EFCAB8: variants seen among roughly 807,000 people sequenced by gnomAD.
The protein encoded by EFCAB8 is EF-hand calcium-binding domain-containing protein 8.
In EFCAB8, 100 loss-of-function variants were observed where a neutral mutation model predicts 116.3. The ratio of observed to expected loss-of-function variants is 0.86; its 90% CI spans 0.73 to 1.02. The LOEUF is 1.02. Among genes scored for constraint, EFCAB8 ranks in the 50% least tolerant of loss-of-function variants. The probability of loss-of-function intolerance (pLI) is 0.00; values close to 1 mark genes in which losing one functional copy is unlikely to be tolerated. For synonymous variants in EFCAB8, 558 were observed against 567.9 expected (o/e 0.98, Z 0.25); for missense variants, 1,320 against 1,416.9 (o/e 0.93, Z 1.10).
At chr20:32,867,512 CAT>C (rs774424839) in intron 2 of EFCAB8, 68 bp from the exon 3 acceptor site, 379 of 1,481,448 alleles carry the variant, frequency 2.6e-4, no homozygotes, top group Non-Finnish European at 3.3e-4. Flanking sequence ...CTCTTTAAAT[CAT>C]GTGCTGAAAA....
intron 17 of EFCAB8, among the ~76,000 whole-genome samples, chr20:32,913,953 C>T (rs942812886): frequency 4.6e-5 from 7 of 152,270 alleles, no homozygotes; most frequent in African/African-American, 1.7e-4. Context: ...CCCTAAGACT[C>T]TGGGCAGCCC....
At chr20:32,873,706 T>G (rs997365046) in intron 3 of EFCAB8, among the ~76,000 whole-genome samples, 3 of 149,454 alleles carry the variant, frequency 2.0e-5, no homozygotes, top group African/African-American at 7.4e-5. Context: ...CTACTAAAAA[T>G]ACAAAAATTA....
At chr20:32,885,056 C>G (rs896071470) in intron 5 of EFCAB8, among the ~76,000 whole-genome samples, 4 of 152,194 alleles carry the variant, frequency 2.6e-5, no homozygotes, top group South Asian at 2.1e-4. Flanking sequence ...TCTGTTCCCC[C>G]CTCTACCCCA....
At chr20:32,892,856 T>TA (rs1459634961) in intron 8 of EFCAB8, among the ~76,000 whole-genome samples, 1 of 151,034 alleles carries the variant, frequency 6.6e-6, no homozygotes, top group Non-Finnish European at 1.5e-5. Context: ...TTCTTTTTTT[T>TA]ATGACTCAGA....
chr20:32,887,543 C>G (rs1048711939), intron 6 of EFCAB8, among the ~76,000 whole-genome samples: 12 of 152,244 alleles, frequency 7.9e-5, no homozygotes, highest in African/African-American at 2.7e-4. Flanking sequence ...CCACTGTGCT[C>G]TAGCCTGGGC....
intron 7 of EFCAB8, among the ~76,000 whole-genome samples, chr20:32,891,436 T>A (rs1468779033): frequency 6.6e-6 from 1 of 152,188 alleles, no homozygotes; most frequent in Non-Finnish European, 1.5e-5. Flanking sequence ...CAGGCTAGTC[T>A]CCATCTCCTG....
rs180792469 is a variant in EFCAB8, at chr20:32,935,243, C to T, written c.2790+3907C>T. ...GAGATGGCGTTTTGCTCTTGTTGCC[C>T]GGGCTGGAGTGCATTGATCCAATCT... On this transcript the variant is annotated intron_variant, in intron 22 of 26. Transcript: ENST00000400522. Among the ~76,000 whole-genome samples the T allele has an allele frequency of 1.4e-4, 14 of 102,460 alleles. 1 individual carries two copies. Among genetic ancestry groups the T allele is most frequent in the Admixed American group, 1.1e-3 (8 of 7,588 alleles). 67.2% of individuals were successfully genotyped at this position (102,460 alleles called of 152,430 possible). A position where few individuals can be genotyped will look rare whatever the true frequency, so the allele number is the denominator to read the frequency against.
intron 6 of EFCAB8, among the ~76,000 whole-genome samples, chr20:32,885,980 CTGTG>C (rs1985605725): frequency 6.6e-6 from 1 of 152,210 alleles, no homozygotes; most frequent in African/African-American, 2.4e-5. Context: ...CCCAAGACTC[CTGTG>C]CTAGGGGTCA....
At chr20:32,905,107 T>A (rs563234857) in intron 11 of EFCAB8, among the ~76,000 whole-genome samples, 23 of 152,316 alleles carry the variant, frequency 1.5e-4, no homozygotes, top group Non-Finnish European at 2.9e-4. Context: ...CCGGCCCTAA[T>A]GAGCCTCTCC....
intron 4 of EFCAB8, among the ~76,000 whole-genome samples, chr20:32,877,838 G>A (rs988814681): frequency 6.6e-6 from 1 of 152,170 alleles, no homozygotes; most frequent in Non-Finnish European, 1.5e-5. Flanking sequence ...ATTATCCATA[G>A]GGGAGAGTGA....
chr20:32,871,716 CGGG>C (rs1402002494), intron 3 of EFCAB8, among the ~76,000 whole-genome samples: 9 of 152,090 alleles, frequency 5.9e-5, no homozygotes, highest in African/African-American at 2.2e-4. Context: ...ATTATGAGTG[CGGG>C]CTCCATACCG....
At chr20:32,867,791 CAG>C (rs1264355567) in intron 3 of EFCAB8, 44 bp downstream of exon 3, 2 of 1,535,624 alleles carry the variant, frequency 1.3e-6, no homozygotes, top group Middle Eastern at 2.1e-4. Context: ...AGTTCTGCAA[CAG>C]GGCAGGACCG....
intron 22 of EFCAB8, among the ~76,000 whole-genome samples, chr20:32,933,912 G>C (rs1354559755): frequency 6.6e-6 from 1 of 152,230 alleles, no homozygotes; most frequent in Non-Finnish European, 1.5e-5. Context: ...GGGAGGCAGA[G>C]GTTGCAGTGA....
At chr20:32,875,808 C>T (rs575097125) in intron 3 of EFCAB8, 118 bp from the exon 4 acceptor site, 11 of 853,978 alleles carry the variant, frequency 1.3e-5, no homozygotes, top group Admixed American at 4.8e-5. Context: ...CGCGCCTGGC[C>T]GTAGATGTGG....
At chr20:32,873,994 C>G (rs1420849356) in intron 3 of EFCAB8, among the ~76,000 whole-genome samples, 4 of 151,876 alleles carry the variant, frequency 2.6e-5, no homozygotes, top group African/African-American at 9.7e-5. Flanking sequence ...AATCTCTGCT[C>G]ACTGCAACCT....
chr20:32,901,581 C>T (rs1460664940), intron 11 of EFCAB8, among the ~76,000 whole-genome samples: 8 of 150,772 alleles, frequency 5.3e-5, no homozygotes, highest in African/African-American at 2.0e-4. Context: ...TCATTGCCTC[C>T]ACCTGCCCAC....
intron 20 of EFCAB8, among the ~76,000 whole-genome samples, chr20:32,926,765 GT>G (rs1437080501): frequency 7.0e-6 from 1 of 142,998 alleles, no homozygotes; most frequent in Non-Finnish European, 1.5e-5. Flanking sequence ...GCGGTGTTTG[GT>G]TTTTTGTTCT....
At chr20:32,872,061 C>G (rs1984709363) in intron 3 of EFCAB8, among the ~76,000 whole-genome samples, 2 of 152,158 alleles carry the variant, frequency 1.3e-5, no homozygotes. Flanking sequence ...AGATGGGTCC[C>G]TCTTTTAGCA....
At chr20:32,879,598 T>C (rs1985206885) in intron 5 of EFCAB8, among the ~76,000 whole-genome samples, 1 of 152,102 alleles carries the variant, frequency 6.6e-6, no homozygotes, top group African/African-American at 2.4e-5. Context: ...AAGAAACAGA[T>C]AACCTGAGGG....
Sources: gnomAD v4.1 joint callset for allele counts (sites outside exome capture counted in the v4.1 genomes callset) on GRCh38, gnomAD v4.1.1 for gene constraint, MANE v1.5 for transcripts, NCBI Gene and HGNC (gene_info 2026-07-23, HGNC 2026-07-21) for gene names.